The following RTL4 variants were observed in gnomAD, a reference collection of about 807,000 sequenced individuals.
The protein encoded by RTL4 is retrotransposon Gag-like protein 4.
RTL4 carries 4 observed loss-of-function variants against 5.3 expected under a neutral mutation model. That is an observed-to-expected ratio of 0.75 (90% CI 0.37 to 1.72). The LOEUF (loss-of-function observed/expected upper bound fraction) is 1.72. Among genes scored for constraint, RTL4 ranks in the 40% most tolerant of loss-of-function variants. RTL4 has a pLI of 0.04. For missense variants in RTL4, 260 were observed against 227.1 expected (o/e 1.14, Z -0.93); for synonymous variants, 98 against 87.3 (o/e 1.12, Z -0.68).
the RTL4 span, among the ~76,000 whole-genome samples, chrX:112,442,584 G>T: frequency 9.1e-6 from 1 of 110,480 alleles, no homozygotes; most frequent in Non-Finnish European, 1.9e-5. Context: ...GAATTTTATT[G>T]TATGTAAAGT....
chrX:112,438,969 C>A, the RTL4 span, among the ~76,000 whole-genome samples: 25 of 111,604 alleles, frequency 2.2e-4, no homozygotes, highest in African/African-American at 7.2e-4. Flanking sequence ...CGAAAATCGT[C>A]GAAGCTAGTA....
At chrX:112,116,513 A>G in the RTL4 span, among the ~76,000 whole-genome samples, 9 of 111,528 alleles carry the variant, frequency 8.1e-5, no homozygotes, top group African/African-American at 2.9e-4. Context: ...CCCTGCCCAC[A>G]TCCTACTGAT....
the RTL4 span, among the ~76,000 whole-genome samples, chrX:112,120,190 C>T: frequency 8.9e-6 from 1 of 112,365 alleles, no homozygotes; most frequent in Non-Finnish European, 1.9e-5. Context: ...TTTATGTAGG[C>T]AACATGAAAT....
chrX:112,137,362 T>C, the RTL4 span, among the ~76,000 whole-genome samples: 5 of 111,865 alleles, frequency 4.5e-5, no homozygotes, highest in Non-Finnish European at 9.4e-5. Flanking sequence ...TGTCAAAGAC[T>C]AGGTAATTTA....
At chrX:112,098,971 T>G in the RTL4 span, among the ~76,000 whole-genome samples, 2 of 111,982 alleles carry the variant, frequency 1.8e-5, no homozygotes, top group Non-Finnish European at 3.8e-5. Flanking sequence ...GACATAGGCA[T>G]GGGCAAGGAC....
chrX:112,360,294 T>C, the RTL4 span, among the ~76,000 whole-genome samples: 3 of 111,580 alleles, frequency 2.7e-5, no homozygotes, highest in Non-Finnish European at 3.8e-5. Flanking sequence ...TATCCTTCCC[T>C]GTCTCAGGTT....
the RTL4 span, among the ~76,000 whole-genome samples, chrX:112,390,460 GA>G: frequency 5.6e-5 from 6 of 107,147 alleles, no homozygotes; most frequent in East Asian, 3.0e-4. Flanking sequence ...TCAAAAAAAA[GA>G]AAAAAATATA....
chrX:112,176,212 A>T, the RTL4 span, among the ~76,000 whole-genome samples: 2 of 111,983 alleles, frequency 1.8e-5, no homozygotes, highest in Non-Finnish European at 1.9e-5. Flanking sequence ...CCACTGCTCG[A>T]TGAAATAAAA....
At chrX:112,094,686 G>A in the RTL4 span, among the ~76,000 whole-genome samples, 26 of 111,619 alleles carry the variant, frequency 2.3e-4, 1 homozygote, top group Admixed American at 2.5e-3. Context: ...ACTCAGAATA[G>A]TTTGATATTC....
At chrX:112,236,434 GATCTAT>G in the RTL4 span, among the ~76,000 whole-genome samples, 1 of 73,219 alleles carries the variant, frequency 1.4e-5, no homozygotes, top group Non-Finnish European at 2.4e-5. Flanking sequence ...TATAGATATA[GATCTAT>G]ATCTATATAT....
the RTL4 span, among the ~76,000 whole-genome samples, chrX:112,287,575 A>G: frequency 9.0e-6 from 1 of 111,620 alleles, no homozygotes; most frequent in Non-Finnish European, 1.9e-5. Context: ...CTCAACATGT[A>G]TTCTGTCTGT....
chrX:112,162,777 A>G, the RTL4 span, among the ~76,000 whole-genome samples: 6 of 111,776 alleles, frequency 5.4e-5, no homozygotes, highest in South Asian at 2.3e-3. Flanking sequence ...TTATTCAGGT[A>G]TTCCTACTGT....
chrX:112,392,284 G>A, the RTL4 span, among the ~76,000 whole-genome samples: 1 of 111,511 alleles, frequency 9.0e-6, no homozygotes, highest in Non-Finnish European at 1.9e-5. Flanking sequence ...GCACGGTGAG[G>A]AGATATGGGA....
At chrX:112,292,664 G>T in the RTL4 span, among the ~76,000 whole-genome samples, 1 of 111,184 alleles carries the variant, frequency 9.0e-6, no homozygotes, top group Non-Finnish European at 1.9e-5. Context: ...CTGAAATATT[G>T]GAAAATGCTA....
At chrX:112,148,769 C>T in the RTL4 span, among the ~76,000 whole-genome samples, 6 of 112,188 alleles carry the variant, frequency 5.3e-5, no homozygotes, top group South Asian at 2.2e-3. Context: ...TAATATCTAT[C>T]TTGATAAGTT....
chrX:112,258,802 A>G, the RTL4 span, among the ~76,000 whole-genome samples: 2 of 111,531 alleles, frequency 1.8e-5, no homozygotes, highest in African/African-American at 6.5e-5. Flanking sequence ...TTTTATAAAC[A>G]TTCTGTCATA....
At chrX:112,456,645 C>T (rs1426956626) in exon 1 of RTL4, 2 of 249,577 alleles carry the variant, frequency 8.0e-6, no homozygotes, top group East Asian at 1.3e-4. Context: ...GACAGCCAGA[C>T]CCTGCAGTAG....
At chrX:112,099,604 G>A in the RTL4 span, among the ~76,000 whole-genome samples, 1 of 111,523 alleles carries the variant, frequency 9.0e-6, no homozygotes, top group South Asian at 3.7e-4. Context: ...GGAAGGTGTG[G>A]TAGGATATAG....
At chrX:112,410,633 A>G in the RTL4 span, among the ~76,000 whole-genome samples, 2 of 112,104 alleles carry the variant, frequency 1.8e-5, no homozygotes, top group African/African-American at 6.4e-5. Context: ...CCAGAATGAC[A>G]GGTTGGTGTA....
Sources: gnomAD v4.1 joint callset for allele counts (sites outside exome capture counted in the v4.1 genomes callset) on GRCh38, gnomAD v4.1.1 for gene constraint, MANE v1.5 for transcripts, NCBI Gene and HGNC (gene_info 2026-07-23, HGNC 2026-07-21) for gene names.